Variants in FANCA observed in about 807,000 individuals in gnomAD.
FANCA encodes the protein Fanconi anemia group A protein.
Under a neutral mutation model 194.3 loss-of-function variants are expected in FANCA, and 236 were observed. The observed-to-expected ratio is 1.21, with a 90% CI of 1.09 to 1.35. FANCA has a LOEUF of 1.35. FANCA is among the 40% of genes most tolerant of loss of function. The pLI, the probability that FANCA is intolerant of heterozygous loss-of-function variation, is 0.00. For synonymous variants in FANCA, 1,014 were observed against 715.8 expected, an observed-to-expected ratio of 1.42 and a Z score of -6.65; for missense variants, 2,628 against 1,813.9, an observed-to-expected ratio of 1.45 and a Z score of -8.15.
chr16:89,815,203 A>AT (rs1337205162), intron 2 of FANCA, among the ~76,000 whole-genome samples: 1 of 151,740 alleles, frequency 6.6e-6, no homozygotes, highest in Non-Finnish European at 1.5e-5. Flanking sequence ...TACCCGGCTA[A>AT]TTTTTGTATT....
In FANCA at chr16:89,799,587, G is replaced by T. The variant is rs781479316; in HGVS notation, c.826+18C>A. On this transcript the variant is annotated intron_variant, in intron 9 of 42. Coordinates refer to ENST00000389301, the MANE Select transcript of FANCA (RefSeq NM_000135.4). ...AACTAAGTCATTTACAGTCTGGGCT[G>T]CAGTGCAATTAACTTACAAATCAGC... The T allele has an allele frequency of 1.2e-6, 2 of 1,610,340 alleles. No individual in the cohort carries two copies.
At chr16:89,792,252 G>C (rs952076796) in intron 12 of FANCA, among the ~76,000 whole-genome samples, 184 bp from the exon 13 acceptor site, 1 of 152,132 alleles carries the variant, frequency 6.6e-6, no homozygotes, top group Non-Finnish European at 1.5e-5. Context: ...GCACCTGCTT[G>C]GAGAGAATTC....
At chr16:89,798,602 G>A (rs2040327836) in intron 10 of FANCA, 3 of 1,152,392 alleles carry the variant, frequency 2.6e-6, no homozygotes, top group South Asian at 3.0e-5. Flanking sequence ...AAACCCCGAT[G>A]TCCACCTTCC....
rs2040596341 is a variant in FANCA, at chr16:89,805,270, A to T, written c.709+10T>A. ...TTTACCCAAGAACCCGCATCTTGTC[A>T]TGAACGCACCAGAAAGCATGGCCCT... On this transcript the variant is annotated intron_variant, in intron 7 of 42. Coordinates refer to ENST00000389301, the MANE Select transcript of FANCA (RefSeq NM_000135.4). The T allele has an allele frequency of 1.2e-6, 2 of 1,608,222 alleles. No homozygotes were observed. The highest frequency in any genetic ancestry group is 1.7e-6 in the Non-Finnish European group (2 of 1,174,862).
At chr16:89,764,459 C>T (rs1231294043) in intron 28 of FANCA, among the ~76,000 whole-genome samples, 2 of 152,116 alleles carry the variant, frequency 1.3e-5, no homozygotes, top group Non-Finnish European at 2.9e-5. Context: ...GTGCACACAA[C>T]TGTGCCCAGC....
intron 9 of FANCA, 95 bp downstream of exon 9, chr16:89,799,510 G>T (rs1269384225): frequency 8.0e-7 from 1 of 1,257,412 alleles, no homozygotes; most frequent in Non-Finnish European, 1.2e-6. Context: ...ACATACAGAG[G>T]AGAAATACCT....
At chr16:89,815,695 G>A (rs1282913723) in intron 2 of FANCA, among the ~76,000 whole-genome samples, 182 bp downstream of exon 2, 6 of 152,044 alleles carry the variant, frequency 3.9e-5, no homozygotes, top group Admixed American at 1.3e-4. Flanking sequence ...AATAAAAGAG[G>A]CGGGGTCTCA....
intron 7 of FANCA, among the ~76,000 whole-genome samples, chr16:89,804,015 G>C (rs976900966): frequency 6.6e-6 from 1 of 152,182 alleles, no homozygotes; most frequent in Non-Finnish European, 1.5e-5. Context: ...GAGGGACCCA[G>C]AAGCATCCTA....
intron 3 of FANCA, among the ~76,000 whole-genome samples, chr16:89,812,602 C>T (rs1357649130): frequency 7.3e-6 from 1 of 136,946 alleles, no homozygotes; most frequent in Admixed American, 7.9e-5. Flanking sequence ...GTCGAGATCA[C>T]ACCATTGCAC....
intron 38 of FANCA, 30 bp downstream of exon 38, chr16:89,740,774 G>C (rs1162986300): frequency 6.2e-7 from 1 of 1,605,642 alleles, no homozygotes; most frequent in African/African-American, 1.3e-5. Flanking sequence ...CAGTGGGAGA[G>C]GACACCTTGG....
Position 89,738,478 on chromosome 16 carries a change from C to A in FANCA, c.*123G>T, listed in dbSNP as rs914493960. The A allele has an allele frequency of 1.3e-6, 2 of 1,491,940 alleles. No individual in the cohort carries two copies. Among genetic ancestry groups the A allele is most frequent in the African/African-American group, 1.4e-5 (1 of 72,210 alleles). The allele number at this position is 1,491,940 out of a possible 1,614,324, so 92.4% of individuals were successfully genotyped here. On this transcript the variant is annotated 3_prime_UTR_variant, in exon 43 of 43. Coordinates refer to ENST00000389301, the MANE Select transcript of FANCA (RefSeq NM_000135.4). ...CGGACAGTTCATAAATAATTGATTC[C>A]TTTCCCCACTAAAGCAGTCGAGGAG...
At chr16:89,806,455 T>G (rs897121466) in intron 6 of FANCA, among the ~76,000 whole-genome samples, 1 of 147,960 alleles carries the variant, frequency 6.8e-6, no homozygotes, top group Non-Finnish European at 1.5e-5. Flanking sequence ...GATAAACAAG[T>G]GAACAAAGGT....
rs147989029 is a variant in FANCA, at chr16:89,786,920, C to T, written c.1360-1956G>A. ...CATGTCTTATCACCCTCCATTCAGC[C>T]ATCCACAACACAACTGCTCCTGTCT... On this transcript the variant is annotated intron_variant, in intron 14 of 42. Transcript: ENST00000389301. 2.4e-4 allele frequency among the ~76,000 whole-genome samples: 36 copies of T among 152,308 alleles called. No homozygotes were observed. In the East Asian group the frequency reaches 6.7e-3, roughly 29 times the overall value.
chr16:89,737,899 C>T lies in FANCA; in HGVS notation c.*702G>A. Reference sequence around the variant, plus strand: ...CAAATGCGACATTCGGGAGCCAAGCCTTTGCAGTAAGTGTGAGTCAGGACC... The same window carrying T: ...CAAATGCGACATTCGGGAGCCAAGCTTTTGCAGTAAGTGTGAGTCAGGACC... On this transcript the variant is annotated 3_prime_UTR_variant, in exon 43 of 43. Transcript: ENST00000389301. 1 of 1,607,078 alleles carries T rather than the reference C, an allele frequency of 6.2e-7. No individual in the cohort carries two copies. The highest frequency in any genetic ancestry group is 8.5e-7 in the Non-Finnish European group (1 of 1,179,226).
intron 23 of FANCA, among the ~76,000 whole-genome samples, chr16:89,770,963 G>C (rs547921279): frequency 1.3e-5 from 2 of 151,994 alleles, no homozygotes; most frequent in Admixed American, 6.6e-5. Context: ...AGAGGCAGTC[G>C]AGCCCAACCT....
At chr16:89,814,811 C>T (rs1423243385) in intron 2 of FANCA, among the ~76,000 whole-genome samples, 198 bp from the exon 3 acceptor site, 3 of 151,856 alleles carry the variant, frequency 2.0e-5, no homozygotes, top group African/African-American at 7.3e-5. Context: ...CATGGTGGCG[C>T]GTGCCTGTAG....
intron 30 of FANCA, among the ~76,000 whole-genome samples, chr16:89,755,923 C>G (rs12597296): frequency 6.6e-6 from 1 of 151,636 alleles, no homozygotes; most frequent in Non-Finnish European, 1.5e-5. Context: ...GCCCACCGCG[C>G]AGAAACAGAC....
intron 27 of FANCA, among the ~76,000 whole-genome samples, 195 bp downstream of exon 27, chr16:89,766,946 G>A (rs2039149322): frequency 6.6e-6 from 1 of 152,198 alleles, no homozygotes; most frequent in African/African-American, 2.4e-5. Flanking sequence ...TCAGCAGTCA[G>A]GCTGCCTAAG....
rs2039381803 is a variant in FANCA, at chr16:89,773,154, T to C, written c.2014+117A>G. 6 of 819,522 alleles carry C rather than the reference T, an allele frequency of 7.3e-6. 1 individual carries two copies. The highest frequency in any genetic ancestry group is 1.2e-5 in the Non-Finnish European group (6 of 495,100). 50.8% of individuals were successfully genotyped at this position (819,522 alleles called of 1,614,324 possible). On this transcript the variant is annotated intron_variant, in intron 22 of 42. Transcript: ENST00000389301. Reference sequence around the variant, plus strand: ...AGCCCGGGGTCAATCTTTAAACTACTGGACTACTAGGAAGACACACCAGCC... The same window carrying C: ...AGCCCGGGGTCAATCTTTAAACTACCGGACTACTAGGAAGACACACCAGCC...
Sources: gnomAD v4.1 joint callset for allele counts (sites outside exome capture counted in the v4.1 genomes callset) on GRCh38, gnomAD v4.1.1 for gene constraint, MANE v1.5 for transcripts, NCBI Gene and HGNC (gene_info 2026-07-23, HGNC 2026-07-21) for gene names.